Variants in PCDHGA1 observed in about 807,000 individuals in gnomAD.
The protein encoded by PCDHGA1 is protocadherin gamma-A1.
A neutral mutation model predicts 58.0 loss-of-function variants in PCDHGA1; 32 were observed. The observed-to-expected ratio is 0.55, with a 90% CI of 0.42 to 0.74. The LOEUF (loss-of-function observed/expected upper bound fraction) is 0.74, where lower values mean the gene tolerates loss of function less well. PCDHGA1 is among the 30% of genes least tolerant of loss of function. The probability of loss-of-function intolerance (pLI) is 0.00; values close to 1 mark genes in which losing one functional copy is unlikely to be tolerated. For synonymous variants in PCDHGA1, 498 were observed against 501.1 expected, an observed-to-expected ratio of 0.99 and a Z score of 0.08; for missense variants, 1,205 against 1,182.3, an observed-to-expected ratio of 1.02 and a Z score of -0.28.
chr5:141,380,206 G>C (rs750518608), intron 1 of PCDHGA1, among the ~76,000 whole-genome samples: 1 of 152,114 alleles, frequency 6.6e-6, no homozygotes, highest in South Asian at 2.1e-4. Flanking sequence ...GGCCTGAAAG[G>C]CATTCATTTC....
At chr5:141,372,341 A>G (rs1382612317) in intron 1 of PCDHGA1, 1 of 1,613,800 alleles carries the variant, frequency 6.2e-7, no homozygotes, top group Non-Finnish European at 8.5e-7. Context: ...TGCGTGATGG[A>G]GGACAGCAGC....
At chr5:141,341,255 G>A in intron 1 of PCDHGA1, 1 of 1,614,220 alleles carries the variant, frequency 6.2e-7, no homozygotes, top group Non-Finnish European at 8.5e-7. Context: ...CCTCACTGCG[G>A]ACTCGCGGAA....
chr5:141,462,512 A>C (rs1169461013), intron 1 of PCDHGA1, among the ~76,000 whole-genome samples: 1 of 152,106 alleles, frequency 6.6e-6, no homozygotes, highest in Non-Finnish European at 1.5e-5. Flanking sequence ...AACTAGATCA[A>C]GTTAGTAAGA....
chr5:141,371,868 G>T (rs755178809), intron 1 of PCDHGA1: 5 of 1,613,392 alleles, frequency 3.1e-6, no homozygotes, highest in Non-Finnish European at 4.2e-6. Flanking sequence ...CTACTACATC[G>T]TGGCCAGTGA....
intron 1 of PCDHGA1, chr5:141,387,841 C>T: frequency 2.5e-6 from 4 of 1,597,678 alleles, no homozygotes; most frequent in Non-Finnish European, 3.4e-6. Flanking sequence ...TATTTGTAAC[C>T]CGGCGTCTCC....
intron 1 of PCDHGA1, chr5:141,402,985 A>G: frequency 6.2e-7 from 1 of 1,609,390 alleles, no homozygotes; most frequent in Non-Finnish European, 8.5e-7. Context: ...AGCTCCGCGG[A>G]AGATTAGTCC....
In PCDHGA1 at chr5:141,482,773, C is replaced by A. The variant is rs2009076; in HGVS notation, c.2422-12034C>A. ...ATTATGGTATTTCATTATCACTGAA[C>A]CTTAAACTGTGTGTGTGGCCGGGTA... On this transcript the variant is annotated intron_variant, in intron 1 of 3. Coordinates refer to ENST00000517417, the MANE Select transcript of PCDHGA1 (RefSeq NM_018912.3). 9.1e-3 allele frequency among the ~76,000 whole-genome samples: 1,158 copies of A among 127,768 alleles called. 29 individuals carry two copies. Among genetic ancestry groups the A allele is most frequent in the Middle Eastern group, 0.013 (3 of 228 alleles). 83.8% of individuals were successfully genotyped at this position (127,768 alleles called of 152,430 possible). A position where few individuals can be genotyped will look rare whatever the true frequency, so the allele number is the denominator to read the frequency against.
At chr5:141,393,430 C>G in intron 1 of PCDHGA1, 1 of 1,614,040 alleles carries the variant, frequency 6.2e-7, no homozygotes, top group Non-Finnish European at 8.5e-7. Context: ...GAGGAAGAGG[C>G]TGCTCACCAC....
chr5:141,387,995 T>TCC (rs2091190111), intron 1 of PCDHGA1: 1 of 1,490,632 alleles, frequency 6.7e-7, no homozygotes, highest in Admixed American at 2.1e-5. Flanking sequence ...GCTACAGGAT[T>TCC]CCCGAGGAAA....
At chr5:141,344,029 A>G in intron 1 of PCDHGA1, 1 of 1,529,670 alleles carries the variant, frequency 6.5e-7, no homozygotes, top group Non-Finnish European at 8.8e-7. Context: ...TTCACCGAAA[A>G]GGAAATGACC....
At chr5:141,356,781 C>T (rs1283298269) in intron 1 of PCDHGA1, 7 of 1,613,876 alleles carry the variant, frequency 4.3e-6, no homozygotes, top group East Asian at 4.5e-5. Context: ...AGTTTAGAGA[C>T]CTGCAGCTGC....
chr5:141,501,508 C>A (rs1378333182), intron 2 of PCDHGA1, among the ~76,000 whole-genome samples: 1 of 151,960 alleles, frequency 6.6e-6, no homozygotes, highest in Non-Finnish European at 1.5e-5. Flanking sequence ...GGCTCCAAGG[C>A]CTCCAAGCTG....
intron 1 of PCDHGA1, chr5:141,364,410 G>A (rs2149857737): frequency 6.2e-7 from 1 of 1,612,210 alleles, no homozygotes; most frequent in Admixed American, 1.7e-5. Flanking sequence ...TGCGAGCCAG[G>A]ATCCGGGCAG....
intron 1 of PCDHGA1, chr5:141,388,866 C>A (rs2091521937): frequency 2.5e-6 from 4 of 1,613,832 alleles, no homozygotes; most frequent in Non-Finnish European, 3.4e-6. Flanking sequence ...AATGATTGCG[C>A]AATGCACAGT....
At chr5:141,374,497 G>T in intron 1 of PCDHGA1, 5 of 1,611,562 alleles carry the variant, frequency 3.1e-6, no homozygotes, top group Non-Finnish European at 4.2e-6. Flanking sequence ...AGGAAGAATT[G>T]GAAGTGAAAA....
intron 1 of PCDHGA1, chr5:141,403,849 G>C (rs1422192604): frequency 6.2e-7 from 1 of 1,613,560 alleles, no homozygotes; most frequent in South Asian, 1.1e-5. Context: ...AAAATACTGG[G>C]GAAATATCAA....
At chr5:141,472,046 A>T (rs945911971) in intron 1 of PCDHGA1, among the ~76,000 whole-genome samples, 4 of 152,210 alleles carry the variant, frequency 2.6e-5, no homozygotes, top group Non-Finnish European at 4.4e-5. Context: ...AAAAGATTTT[A>T]AAAATGATTG....
chr5:141,370,490 G>A (rs780342479), intron 1 of PCDHGA1: 48 of 1,613,776 alleles, frequency 3.0e-5, no homozygotes, highest in Non-Finnish European at 4.0e-5. Context: ...TCTCCGAACC[G>A]ATCCGCTACG....
intron 1 of PCDHGA1, chr5:141,418,214 G>A: frequency 6.2e-7 from 1 of 1,614,064 alleles, no homozygotes; most frequent in Non-Finnish European, 8.5e-7. Flanking sequence ...TATTTTTCAT[G>A]TCATTGTGGT....
Sources: allele counts gnomAD v4.1 joint callset (sites outside exome capture counted in the v4.1 genomes callset), GRCh38; gene constraint gnomAD v4.1.1; transcripts MANE v1.5; gene names NCBI Gene and HGNC (gene_info 2026-07-23, HGNC 2026-07-21).